MASP2: variants seen among roughly 807,000 people sequenced by gnomAD.
The protein encoded by MASP2 is MBL associated serine protease 2.
MASP2 carries 49 observed loss-of-function variants against 57.1 expected under a neutral mutation model. The observed-to-expected ratio is 0.86, with a 90% CI of 0.68 to 1.09. The LOEUF (loss-of-function observed/expected upper bound fraction) is 1.09, where lower values mean the gene tolerates loss of function less well. MASP2 is among the 50% of genes least tolerant of loss of function. MASP2 has a pLI of 0.00. For synonymous variants in MASP2, 379 were observed against 340.8 expected (o/e 1.11, Z -1.24); for missense variants, 900 against 874.8 (o/e 1.03, Z -0.36).
In MASP2 at chr1:11,026,850, TA is replaced by T; in HGVS notation, c.*34del. 1 of 1,455,436 alleles carries T rather than the reference TA, an allele frequency of 6.9e-7. No individual in the cohort carries two copies. Among genetic ancestry groups the T allele is most frequent in the Non-Finnish European group, 9.1e-7 (1 of 1,104,482 alleles). 90.2% of individuals were successfully genotyped at this position (1,455,436 alleles called of 1,614,324 possible). A position where few individuals can be genotyped will look rare whatever the true frequency, so the allele number is the denominator to read the frequency against. The stretch of plus-strand genomic sequence containing the variant: ...CTGCCAAGGTCTTCACAGGCATTTC[TA>T]AAAATGAAGAATCCTTGACTGCAGA... On this transcript the variant is annotated 3_prime_UTR_variant, in exon 11 of 11. Transcript: ENST00000400897.
intron 8 of MASP2, among the ~76,000 whole-genome samples, chr1:11,033,259 C>T (rs928697894): frequency 6.7e-6 from 1 of 149,780 alleles, no homozygotes; most frequent in Admixed American, 6.7e-5. Context: ...ACCTGGGAGG[C>T]AGAGGTTGCG....
intron 4 of MASP2, 119 bp downstream of exon 4, chr1:11,045,288 TA>T (rs778919493): frequency 6.8e-7 from 1 of 1,478,220 alleles, no homozygotes; most frequent in East Asian, 2.3e-5. Flanking sequence ...CAGCAGGGCC[TA>T]GAAGCACCCA....
chr1:11,032,608 C>CAAA (rs36074066), intron 8 of MASP2, among the ~76,000 whole-genome samples: 6,683 of 105,934 alleles, frequency 0.063, 387 homozygotes, highest in East Asian at 0.22. Flanking sequence ...GAGACCCCGT[C>CAAA]AAAAAAAAAA....
At position 11,046,917 on chromosome 1, in the gene MASP2, G is replaced by C; in HGVS notation, c.208C>G (p.His70Asp). The stretch of plus-strand genomic sequence containing the variant: ...TTGACGAAGTCGTACTCGCAGAGGT[G>C]GGAGAGCTCCAGGTCGAAGTGGGTG... Reference protein sequence around the residue: ...YFTHFDLELSHLCEYDFVKLS... With the variant: ...YFTHFDLELSDLCEYDFVKLS... The change falls in exon 2 of 11, where the codon CAC (histidine) becomes GAC (aspartate). Residue 70 changes from histidine (H) to aspartate (D), a missense_variant. Coordinates refer to ENST00000400897, the MANE Select transcript of MASP2 (RefSeq NM_006610.4). 6.4e-7 allele frequency: 1 copy of C among 1,572,464 alleles called. No homozygotes were observed. Among genetic ancestry groups the C allele is most frequent in the Non-Finnish European group, 8.6e-7 (1 of 1,158,630 alleles).
At chr1:11,034,135 G>A (rs922516350) in intron 8 of MASP2, among the ~76,000 whole-genome samples, 1 of 151,078 alleles carries the variant, frequency 6.6e-6, no homozygotes, top group Admixed American at 6.6e-5. Flanking sequence ...CCAGCTCCTG[G>A]GGGTAGCTGA....
At chr1:11,044,446 A>G (rs1415784886) in intron 4 of MASP2, among the ~76,000 whole-genome samples, 2 of 152,078 alleles carry the variant, frequency 1.3e-5, no homozygotes, top group South Asian at 4.1e-4. Flanking sequence ...GCTGTGCCCT[A>G]TGGGGCAGTG....
At chr1:11,036,179 A>T (rs1431050081) in intron 7 of MASP2, among the ~76,000 whole-genome samples, 1 of 152,186 alleles carries the variant, frequency 6.6e-6, no homozygotes, top group African/African-American at 2.4e-5. Context: ...CTGTGCCGCA[A>T]AGGATTTCAG....
chr1:11,041,602 GAT>G (rs1638442081), intron 6 of MASP2, among the ~76,000 whole-genome samples: 1 of 125,932 alleles, frequency 7.9e-6, no homozygotes, highest in South Asian at 3.1e-4. Context: ...ATGGATGGTG[GAT>G]GGATGGATGG....
In MASP2 at chr1:11,030,050, T is replaced by C. The variant is rs1643816312; in HGVS notation, c.1297+126A>G. 3.3e-5 allele frequency: 21 copies of C among 646,138 alleles called. No individual in the cohort carries two copies. The East Asian group carries it at 3.4e-4, about 10-fold the overall frequency. 40.0% of individuals were successfully genotyped at this position (646,138 alleles called of 1,614,324 possible). A position where few individuals can be genotyped will look rare whatever the true frequency, so the allele number is the denominator to read the frequency against. ...ATGAGAACATACTATTTGGAAATAA[T>C]AACAGCCTAAGAGCCAAGTGCTGAA... On this transcript the variant is annotated intron_variant, in intron 10 of 10. Transcript: ENST00000400897.
Position 11,034,868 on chromosome 1 carries a change from C to T in MASP2, c.1047G>A (p.Gln349=). 6.2e-7 allele frequency: 1 copy of T among 1,613,296 alleles called. No individual in the cohort carries two copies. Among genetic ancestry groups the T allele is most frequent in the East Asian group, 2.2e-5 (1 of 44,826 alleles). Residue 349 remains glutamine, a synonymous_variant, in exon 8 of 11, where the codon CAG becomes CAA. Coordinates refer to ENST00000400897, the MANE Select transcript of MASP2 (RefSeq NM_006610.4). Reference sequence around the variant, plus strand: ...TTGGCCGGTCCCAAGATCCATCTTTCTGACAAACTGCAGTAAAGGATTTCA... The same window carrying T: ...TTGGCCGGTCCCAAGATCCATCTTTTTGACAAACTGCAGTAAAGGATTTCA... ...LPLKSFTAVC[Q]KDGSWDRPMP...
chr1:11,027,662 CAGAT>C lies in MASP2; in HGVS notation c.1298-18_1298-15del, dbSNP rs749241709. ...ATAGTCCACAAACTGGAGAAAGAAG[CAGAT>C]AGGTAGAGAGCCTTTGTAAAAATGT... On this transcript the variant is annotated splice_polypyrimidine_tract_variant and intron_variant, in intron 10 of 10. Transcript: ENST00000400897. The C allele has an allele frequency of 5.0e-6, 8 of 1,585,720 alleles. No homozygotes were observed. The South Asian group carries it at 9.2e-5, about 18-fold the overall frequency.
Position 11,045,455 on chromosome 1 carries a change from G to A in MASP2, c.497C>T (p.Ser166Phe), listed in dbSNP as rs904851810. ...GTGCAGGACGTAGCCTGCGCGGCAG[G>A]AGCAGTAGAAACCGCCCAGGTGGTT... ...CHNHLGGFYC[S>F]CRAGYVLHRN... is the part of the protein sequence containing the mutation. The change falls in exon 4 of 11, where the codon TCC becomes TTC. Residue 166 changes from serine to phenylalanine, a missense_variant. Physicochemically the swap from Ser to Phe is radical, Grantham distance 155. Coordinates refer to ENST00000400897, the MANE Select transcript of MASP2 (RefSeq NM_006610.4). The A allele has an allele frequency of 1.5e-5, 24 of 1,613,158 alleles. No individual in the cohort carries two copies. The highest frequency in any genetic ancestry group is 2.0e-5 in the Non-Finnish European group (24 of 1,180,000).
At chr1:11,041,419 G>GGTGA in intron 6 of MASP2, among the ~76,000 whole-genome samples, 1 of 145,520 alleles carries the variant, frequency 6.9e-6, no homozygotes, top group Middle Eastern at 3.9e-3. Flanking sequence ...TGGATGGATG[G>GGTGA]ATGGATGGAT....
At chr1:11,036,724 G>A (rs1171654332) in intron 7 of MASP2, among the ~76,000 whole-genome samples, 2 of 148,464 alleles carry the variant, frequency 1.3e-5, no homozygotes, top group Admixed American at 6.8e-5. Flanking sequence ...GGGATTCCAT[G>A]ACAATTTTGA....
chr1:11,044,893 T>C (rs1185922506), intron 4 of MASP2: 1 of 1,591,524 alleles, frequency 6.3e-7, no homozygotes, highest in African/African-American at 1.3e-5. Flanking sequence ...GCCAGCAGGC[T>C]GGCTCTGGCT....
chr1:11,038,886 A>G (rs1638331485), intron 6 of MASP2, among the ~76,000 whole-genome samples: 1 of 135,802 alleles, frequency 7.4e-6, no homozygotes, highest in African/African-American at 2.8e-5. Context: ...CTGGCTGCAA[A>G]CTGCTGAAGC....
chr1:11,030,224 A>G lies in MASP2; in HGVS notation c.1249T>C (p.Phe417Leu), dbSNP rs1643820688. 6 of 1,613,806 alleles carry G rather than the reference A, an allele frequency of 3.7e-6. No homozygotes were observed. Among genetic ancestry groups the G allele is most frequent in the Non-Finnish European group, 5.1e-6 (6 of 1,179,904 alleles). ...DGKYVCEADG[F>L]WTSSKGEKSL... Reference sequence around the variant, plus strand: ...TTTTCTCCTTTGGAGCTCGTCCAGAATCCATCAGCCTCACACACATATTTA... The same window carrying G: ...TTTTCTCCTTTGGAGCTCGTCCAGAGTCCATCAGCCTCACACACATATTTA... Residue 417 changes from phenylalanine (F) to leucine (L), a missense_variant, in exon 10 of 11, where the codon TTC becomes CTC. Physicochemically the swap from Phe to Leu is conservative, Grantham distance 22. Coordinates refer to ENST00000400897, the MANE Select transcript of MASP2 (RefSeq NM_006610.4).
intron 7 of MASP2, among the ~76,000 whole-genome samples, chr1:11,035,557 T>TC (rs1557670315): frequency 6.7e-6 from 1 of 150,244 alleles, no homozygotes; most frequent in African/African-American, 2.5e-5. Flanking sequence ...ATCATCATCA[T>TC]ATCTCAACAT....
chr1:11,027,212 C>T lies in MASP2; in HGVS notation c.1734G>A (p.Arg578=), dbSNP rs1222029753. ...GTASGWGLTQ[R]GFLARNLMYV... The stretch of plus-strand genomic sequence containing the variant: ...ACATTAGATTTCTAGCAAGAAAACC[C>T]CTTTGGGTTAATCCCCATCCAGATG... Residue 578 remains arginine (R), a synonymous_variant, in exon 11 of 11, where the codon AGG becomes AGA. Transcript: ENST00000400897. 6.2e-7 allele frequency: 1 copy of T among 1,614,066 alleles called. No individual in the cohort carries two copies. Among genetic ancestry groups the T allele is most frequent in the Admixed American group, 1.7e-5 (1 of 60,006 alleles).
Sources: gnomAD v4.1 joint callset for allele counts (sites outside exome capture counted in the v4.1 genomes callset) on GRCh38, gnomAD v4.1.1 for gene constraint, MANE v1.5 for transcripts, NCBI Gene and HGNC (gene_info 2026-07-23, HGNC 2026-07-21) for gene names.